The following SGPL1 variants were observed in gnomAD, a reference collection of about 807,000 sequenced individuals.
SGPL1 encodes sphingosine-1-phosphate lyase 1, also known as SP-lyase 1.
A neutral mutation model predicts 68.9 loss-of-function variants in SGPL1; 37 were observed. That is an observed-to-expected ratio of 0.54 (90% CI 0.41 to 0.71). The LOEUF is 0.71. SGPL1 is among the 30% of genes least tolerant of loss of function. The probability of loss-of-function intolerance (pLI) is 0.00; values close to 1 mark genes in which losing one functional copy is unlikely to be tolerated. For missense variants in SGPL1, 551 were observed against 704.6 expected, an observed-to-expected ratio of 0.78 and a Z score of 2.47; for synonymous variants, 236 against 248.5, an observed-to-expected ratio of 0.95 and a Z score of 0.47.
At chr10:70,865,709 TCTTCAGCCTTAAACTATCTTTC>T (rs1846173774) in intron 7 of SGPL1, among the ~76,000 whole-genome samples, 1 of 152,236 alleles carries the variant, frequency 6.6e-6, no homozygotes, top group South Asian at 2.1e-4. Context: ...CATTCTTTGT[TCTTCAGCCTTAAACTATCTTTC>T]CTTCTATTAA....
intron 4 of SGPL1, among the ~76,000 whole-genome samples, chr10:70,854,287 G>C (rs1027603323): frequency 6.6e-6 from 1 of 151,210 alleles, no homozygotes; most frequent in African/African-American, 2.4e-5. Flanking sequence ...TGATTCTCAT[G>C]CCTCAGCCTC....
At chr10:70,843,163 A>T (rs927031621) in intron 2 of SGPL1, among the ~76,000 whole-genome samples, 5 of 152,150 alleles carry the variant, frequency 3.3e-5, no homozygotes, top group Admixed American at 1.3e-4. Context: ...TCAGAGTTAG[A>T]TAGTCCTTCC....
rs1845864630 is a variant in SGPL1, at chr10:70,850,689, A to G, written c.194-454A>G. On this transcript the variant is annotated intron_variant, in intron 3 of 14. Transcript: ENST00000373202. Reference sequence around the variant, plus strand: ...AAATAAATTTTGGCACATCCATAAAATGGAATACTCTGCAGCTATAAAAAT... The same window carrying G: ...AAATAAATTTTGGCACATCCATAAAGTGGAATACTCTGCAGCTATAAAAAT... 2.0e-5 allele frequency among the ~76,000 whole-genome samples: 3 copies of G among 152,212 alleles called. No homozygotes were observed. The South Asian group carries it at 6.2e-4, about 31-fold the overall frequency.
chr10:70,833,044 A>G (rs1845570825), intron 2 of SGPL1, among the ~76,000 whole-genome samples: 1 of 152,208 alleles, frequency 6.6e-6, no homozygotes, highest in Non-Finnish European at 1.5e-5. Context: ...GTGACCATTT[A>G]GCAGTGTTTC....
At chr10:70,845,015 A>G (rs111788630) in intron 3 of SGPL1, among the ~76,000 whole-genome samples, 10,653 of 152,134 alleles carry the variant, frequency 0.07, 490 homozygotes, top group African/African-American at 0.1. Flanking sequence ...TGGGATTACA[A>G]GCGTGAGCCA....
chr10:70,816,955 G>A, intron 2 of SGPL1, 75 bp downstream of exon 2: 1 of 1,371,526 alleles, frequency 7.3e-7, no homozygotes, highest in Non-Finnish European at 1.0e-6. Flanking sequence ...ATCCCAGTGT[G>A]TAGATTTCAC....
chr10:70,867,829 A>T (rs921432009), intron 7 of SGPL1, among the ~76,000 whole-genome samples: 4 of 152,256 alleles, frequency 2.6e-5, no homozygotes, highest in Non-Finnish European at 4.4e-5. Flanking sequence ...ATAAGGCAAC[A>T]AACTTCCATC....
At chr10:70,861,404 G>A (rs188186485) in intron 7 of SGPL1, among the ~76,000 whole-genome samples, 1 of 152,282 alleles carries the variant, frequency 6.6e-6, no homozygotes, top group East Asian at 1.9e-4. Flanking sequence ...GGGGCAGTTG[G>A]GGGTAGATGA....
chr10:70,876,469 T>G, intron 13 of SGPL1, 72 bp from the exon 14 acceptor site: 2 of 1,389,704 alleles, frequency 1.4e-6, no homozygotes, highest in South Asian at 1.3e-5. Flanking sequence ...AATTCCCGTA[T>G]TTGGGGCTGC....
intron 6 of SGPL1, among the ~76,000 whole-genome samples, chr10:70,858,208 T>C (rs1265051350): frequency 2.0e-5 from 3 of 152,218 alleles, no homozygotes; most frequent in African/African-American, 7.2e-5. Context: ...TAATCATGGC[T>C]CACTTCAGCC....
At chr10:70,817,462 A>G (rs1238286645) in intron 2 of SGPL1, among the ~76,000 whole-genome samples, 1 of 152,098 alleles carries the variant, frequency 6.6e-6, no homozygotes, top group East Asian at 1.9e-4. Context: ...AGGTCTTGCT[A>G]TGTTCCTCAG....
At chr10:70,841,616 C>T (rs774142413) in intron 2 of SGPL1, among the ~76,000 whole-genome samples, 1 of 152,040 alleles carries the variant, frequency 6.6e-6, no homozygotes, top group Non-Finnish European at 1.5e-5. Context: ...CTAATGACCC[C>T]CCAAAGGCTC....
chr10:70,821,856 G>T (rs1845344586), intron 2 of SGPL1, among the ~76,000 whole-genome samples: 1 of 152,148 alleles, frequency 6.6e-6, no homozygotes, highest in Admixed American at 6.5e-5. Flanking sequence ...CATGGGTCAA[G>T]CCTTGCTGCT....
rs749518335 is a variant in SGPL1, at chr10:70,859,340, T to C, written c.487-31T>C. The C allele has an allele frequency of 3.6e-6, 5 of 1,381,108 alleles. No individual in the cohort carries two copies. The African/African-American group carries it at 4.4e-5, about 12-fold the overall frequency. The allele number at this position is 1,381,108 out of a possible 1,614,324, so 85.6% of individuals were successfully genotyped here. A position where few individuals can be genotyped will look rare whatever the true frequency, so the allele number is the denominator to read the frequency against. On this transcript the variant is annotated intron_variant, in intron 6 of 14. Coordinates refer to ENST00000373202, the MANE Select transcript of SGPL1 (RefSeq NM_003901.4). ...TTTGTCCTGTATAGTGTAATAGTTT[T>C]GATTTCACATCTGCTTGCATTTTTT...
chr10:70,861,533 A>C (rs952390592), intron 7 of SGPL1, among the ~76,000 whole-genome samples: 3 of 152,178 alleles, frequency 2.0e-5, no homozygotes, highest in Non-Finnish European at 4.4e-5. Context: ...CTGGGCTCCC[A>C]CTTTGGCGGC....
intron 7 of SGPL1, chr10:70,860,605 A>T: frequency 2.7e-6 from 1 of 370,934 alleles, no homozygotes; most frequent in Non-Finnish European, 5.4e-6. Flanking sequence ...ATGATAATGT[A>T]CTTACAGTAT....
At chr10:70,825,184 C>T (rs189939646) in intron 2 of SGPL1, among the ~76,000 whole-genome samples, 6 of 152,126 alleles carry the variant, frequency 3.9e-5, no homozygotes, top group East Asian at 1.9e-4. Context: ...AGAAGGTAAC[C>T]TGTAGGAATG....
intron 2 of SGPL1, among the ~76,000 whole-genome samples, chr10:70,836,949 T>G (rs1564620600): frequency 6.6e-6 from 1 of 152,134 alleles, no homozygotes; most frequent in Non-Finnish European, 1.5e-5. Flanking sequence ...TAAAATAACA[T>G]GAAAGCCATT....
intron 7 of SGPL1, chr10:70,860,322 A>G (rs1846030224): frequency 8.7e-6 from 4 of 458,598 alleles, no homozygotes; most frequent in South Asian, 6.5e-5. Context: ...AGTCATTATA[A>G]AGACTGCAGA....
Sources: gnomAD v4.1 joint callset for allele counts (sites outside exome capture counted in the v4.1 genomes callset) on GRCh38, gnomAD v4.1.1 for gene constraint, MANE v1.5 for transcripts, NCBI Gene and HGNC (gene_info 2026-07-23, HGNC 2026-07-21) for gene names.